The following NFIB variants were observed in gnomAD, a reference collection of about 807,000 sequenced individuals.
The protein encoded by NFIB is nuclear factor 1 B-type.
Under a neutral mutation model 61.5 loss-of-function variants are expected in NFIB, and 11 were observed. The observed-to-expected ratio is 0.18, with a 90% CI of 0.11 to 0.30. NFIB has a LOEUF of 0.30. Ranked by LOEUF, NFIB falls within the 10% of genes least tolerant of loss-of-function variation. The pLI, the probability that NFIB is intolerant of heterozygous loss-of-function variation, is 1.00. For missense variants in NFIB, 471 were observed against 608.9 expected, an observed-to-expected ratio of 0.77 and a Z score of 2.38; for synonymous variants, 260 against 216.5, an observed-to-expected ratio of 1.20 and a Z score of -1.76.
chr9:14,358,785 T>C (rs1468571500), intron 1 of NFIB, among the ~76,000 whole-genome samples: 3 of 152,182 alleles, frequency 2.0e-5, no homozygotes, highest in African/African-American at 7.2e-5. Flanking sequence ...TATCAACTCA[T>C]CCAAATCAAC....
chr9:14,380,355 C>T (rs570547244), intron 1 of NFIB, among the ~76,000 whole-genome samples: 11 of 152,308 alleles, frequency 7.2e-5, no homozygotes, highest in African/African-American at 2.6e-4. Flanking sequence ...AATGTAAAAA[C>T]AAACTAGGAC....
chr9:14,285,267 T>C (rs2058634671), intron 2 of NFIB, among the ~76,000 whole-genome samples: 2 of 152,144 alleles, frequency 1.3e-5, no homozygotes, highest in South Asian at 2.1e-4. Context: ...GGATTATAGG[T>C]GCACACCACC....
chr9:14,497,263 AT>A, the NFIB span, among the ~76,000 whole-genome samples: 6 of 152,046 alleles, frequency 3.9e-5, no homozygotes, highest in Non-Finnish European at 5.9e-5. Flanking sequence ...ACCCAATTAC[AT>A]TTTTTTTGGT....
the NFIB span, among the ~76,000 whole-genome samples, chr9:14,438,354 G>T: frequency 6.6e-6 from 1 of 152,126 alleles, no homozygotes; most frequent in Non-Finnish European, 1.5e-5. Flanking sequence ...CCATCTCAAC[G>T]CTTCCTGTGT....
At chr9:14,321,402 T>C (rs2060656930) in intron 1 of NFIB, among the ~76,000 whole-genome samples, 1 of 152,034 alleles carries the variant, frequency 6.6e-6, no homozygotes, top group South Asian at 2.1e-4. Flanking sequence ...GGATGGGGGT[T>C]AGGACTAAAC....
chr9:14,223,965 T>C (rs935593660), intron 2 of NFIB, among the ~76,000 whole-genome samples: 1 of 152,230 alleles, frequency 6.6e-6, no homozygotes, highest in African/African-American at 2.4e-5. Context: ...GTGTATCTTC[T>C]CAAATTTTGT....
intron 1 of NFIB, among the ~76,000 whole-genome samples, chr9:14,348,686 C>T (rs60147884): frequency 0.042 from 6,461 of 152,286 alleles, 157 homozygotes; most frequent in South Asian, 0.12. Context: ...GGGGGTGCCA[C>T]GCGAAGAGAG....
chr9:14,149,011 CTTATATAAAG>C (rs1412774633), intron 5 of NFIB, among the ~76,000 whole-genome samples: 2 of 152,124 alleles, frequency 1.3e-5, no homozygotes, highest in African/African-American at 4.8e-5. Flanking sequence ...AAGACAGTAT[CTTATATAAAG>C]TAGTCAGGAA....
intron 2 of NFIB, chr9:14,204,389 A>G (rs2049394349): frequency 3.7e-6 from 4 of 1,090,510 alleles, no homozygotes; most frequent in Non-Finnish European, 4.1e-6. Flanking sequence ...CATCCAGCCC[A>G]AAAGAGACCT....
chr9:14,204,454 C>A, intron 2 of NFIB: 3 of 1,057,058 alleles, frequency 2.8e-6, no homozygotes, highest in Non-Finnish European at 4.4e-6. Flanking sequence ...AGAGAGTCAT[C>A]CTCTATAAGC....
chr9:14,179,355 T>C (rs1042061534), intron 3 of NFIB, among the ~76,000 whole-genome samples: 9 of 152,020 alleles, frequency 5.9e-5, no homozygotes, highest in South Asian at 2.1e-4. Flanking sequence ...TGAGAGTTGA[T>C]AAACTATAAT....
At chr9:14,315,490 C>T (rs1176257204), upstream of NFIB, among the ~76,000 whole-genome samples, 2 of 146,806 alleles carry the variant, frequency 1.4e-5, no homozygotes, top group African/African-American at 4.9e-5. Flanking sequence ...GAAAGCGTCT[C>T]CCTACCCGCC....
intron 2 of NFIB, among the ~76,000 whole-genome samples, chr9:14,184,230 A>G (rs1179356067): frequency 6.6e-6 from 1 of 152,232 alleles, no homozygotes; most frequent in Non-Finnish European, 1.5e-5. Flanking sequence ...TGGACAGCCT[A>G]TTCAGACACA....
chr9:14,366,530 G>A (rs1021446495), intron 1 of NFIB, among the ~76,000 whole-genome samples: 2 of 151,696 alleles, frequency 1.3e-5, no homozygotes, highest in Admixed American at 1.3e-4. Context: ...CTGTCAACCA[G>A]GCTGGAGTGC....
At chr9:14,255,885 A>G (rs1372456774) in intron 2 of NFIB, among the ~76,000 whole-genome samples, 3 of 152,226 alleles carry the variant, frequency 2.0e-5, no homozygotes, top group African/African-American at 4.8e-5. Context: ...GAATCCACAC[A>G]CTATGCTAGC....
chr9:14,139,272 G>C (rs1256018090), intron 6 of NFIB, among the ~76,000 whole-genome samples: 2 of 152,090 alleles, frequency 1.3e-5, no homozygotes, highest in East Asian at 1.9e-4. Context: ...TCTTACTAAG[G>C]GTTCTAATAA....
chr9:14,410,619 G>A, the NFIB span, among the ~76,000 whole-genome samples: 2 of 152,186 alleles, frequency 1.3e-5, no homozygotes, highest in African/African-American at 2.4e-5. Flanking sequence ...GTGATTCAGA[G>A]AAAACAAAGA....
At chr9:14,114,121 T>C (rs982875461) in intron 9 of NFIB, among the ~76,000 whole-genome samples, 1 of 152,238 alleles carries the variant, frequency 6.6e-6, no homozygotes, top group Non-Finnish European at 1.5e-5. Context: ...AAAACCAATA[T>C]ATTAATTCTG....
chr9:14,464,139 G>C, the NFIB span, among the ~76,000 whole-genome samples: 4 of 152,148 alleles, frequency 2.6e-5, no homozygotes, highest in Admixed American at 2.6e-4. Context: ...ACAGAGAAAA[G>C]AAAAATGAAA....
Sources: allele counts gnomAD v4.1 joint callset (sites outside exome capture counted in the v4.1 genomes callset), GRCh38; gene constraint gnomAD v4.1.1; transcripts MANE v1.5; gene names NCBI Gene and HGNC (gene_info 2026-07-23, HGNC 2026-07-21).